Variants in LAMP3 observed in about 807,000 individuals in gnomAD.
LAMP3 encodes lysosome-associated membrane glycoprotein 3.
A neutral mutation model predicts 34.8 loss-of-function variants in LAMP3; 26 were observed. The ratio of observed to expected loss-of-function variants is 0.75; its 90% CI spans 0.55 to 1.04. The LOEUF is 1.04. LAMP3 is among the 50% of genes least tolerant of loss of function. The probability of loss-of-function intolerance (pLI) is 0.00; values close to 1 mark genes in which losing one functional copy is unlikely to be tolerated. For missense variants in LAMP3, 495 were observed against 524.0 expected (o/e 0.94, Z 0.54); for synonymous variants, 180 against 201.9 (o/e 0.89, Z 0.92).
At chr3:183,148,787 T>A (rs1313891027) in intron 3 of LAMP3, among the ~76,000 whole-genome samples, 1 of 152,024 alleles carries the variant, frequency 6.6e-6, no homozygotes, top group Non-Finnish European at 1.5e-5. Flanking sequence ...AAAGTTTGGA[T>A]CCTCAAAAAA....
intron 3 of LAMP3, among the ~76,000 whole-genome samples, chr3:183,146,964 A>T (rs2108606761): frequency 6.6e-6 from 1 of 152,116 alleles, no homozygotes; most frequent in East Asian, 1.9e-4. Flanking sequence ...GGGGACATGT[A>T]AAATATTGAG....
intron 5 of LAMP3, among the ~76,000 whole-genome samples, chr3:183,125,686 A>C (rs1397615650): frequency 6.6e-6 from 1 of 152,256 alleles, no homozygotes; most frequent in Non-Finnish European, 1.5e-5. Flanking sequence ...GCAGAGGGAC[A>C]GAGAAATGTT....
At chr3:183,161,618 A>G (rs984872354) in intron 1 of LAMP3, among the ~76,000 whole-genome samples, 1 of 151,868 alleles carries the variant, frequency 6.6e-6, no homozygotes, top group Non-Finnish European at 1.5e-5. Context: ...CGAACTCCTG[A>G]CCTCAAGTGA....
chr3:183,127,399 T>C (rs1429954556), intron 5 of LAMP3, among the ~76,000 whole-genome samples: 1 of 152,166 alleles, frequency 6.6e-6, no homozygotes, highest in Non-Finnish European at 1.5e-5. Flanking sequence ...CCTCCCAAAG[T>C]TTCAGGTGTG....
chr3:183,152,642 C>A, intron 2 of LAMP3, 139 bp from the exon 3 acceptor site: 1 of 684,314 alleles, frequency 1.5e-6, no homozygotes. Context: ...CCAGACAACA[C>A]CTCTCGTTTT....
At chr3:183,142,675 C>T (rs988390935) in intron 3 of LAMP3, among the ~76,000 whole-genome samples, 1 of 152,132 alleles carries the variant, frequency 6.6e-6, no homozygotes, top group Non-Finnish European at 1.5e-5. Flanking sequence ...GGGTATAGAA[C>T]AAAAATTCAT....
intron 3 of LAMP3, among the ~76,000 whole-genome samples, chr3:183,152,169 G>C (rs1351127879): frequency 6.6e-6 from 1 of 152,190 alleles, no homozygotes; most frequent in African/African-American, 2.4e-5. Context: ...AGGCCCTGAA[G>C]CCCTTTTTGG....
At chr3:183,124,603 C>A (rs549377836) in intron 5 of LAMP3, among the ~76,000 whole-genome samples, 19 of 152,252 alleles carry the variant, frequency 1.2e-4, no homozygotes, top group African/African-American at 3.9e-4. Context: ...GAGGCCGAGG[C>A]GGGCGGATCA....
At chr3:183,131,453 C>A (rs1002069287) in intron 5 of LAMP3, among the ~76,000 whole-genome samples, 1 of 152,200 alleles carries the variant, frequency 6.6e-6, no homozygotes, top group Non-Finnish European at 1.5e-5. Context: ...CTCTCCAAAG[C>A]CAAGCTCTTG....
chr3:183,138,165 A>G (rs1250618624), intron 4 of LAMP3, among the ~76,000 whole-genome samples: 2 of 152,072 alleles, frequency 1.3e-5, no homozygotes, highest in Admixed American at 6.6e-5. Flanking sequence ...GCTGGCTAAA[A>G]TCTGGTCCAT....
At position 183,154,009 on chromosome 3, in the gene LAMP3, T is replaced by C; in HGVS notation, c.432A>G (p.Thr144=). The part of the protein sequence containing the change: ...LPPTITPPAH[T]TGTSSSTVSH... ...TGACGGTTGATGAACTGGTTCCAGT[T>C]GTATGAGCTGGTGGGGTGATGGTGG... is the stretch of plus-strand genomic sequence containing the variant. The change falls in exon 2 of 6, where the codon ACA becomes ACG. Residue 144 remains threonine (T), a synonymous_variant. Transcript: ENST00000265598. 2 of 1,614,026 alleles carry C rather than the reference T, an allele frequency of 1.2e-6. No homozygotes were observed. The highest frequency in any genetic ancestry group is 1.7e-6 in the Non-Finnish European group (2 of 1,179,986).
intron 3 of LAMP3, among the ~76,000 whole-genome samples, chr3:183,149,405 T>TGGTGCGTGGC (rs1240049656): frequency 6.6e-6 from 1 of 151,106 alleles, no homozygotes; most frequent in African/African-American, 2.4e-5. Flanking sequence ...CCAGGCGTGG[T>TGGTGCGTGGC]GGTGCGTGGC....
At chr3:183,144,920 C>G (rs1720396016) in intron 3 of LAMP3, among the ~76,000 whole-genome samples, 1 of 152,070 alleles carries the variant, frequency 6.6e-6, no homozygotes, top group Admixed American at 6.6e-5. Flanking sequence ...ACAAAAAAAG[C>G]TCTGGGGAAA....
intron 1 of LAMP3, chr3:183,162,011 C>A (rs1452799852): frequency 1.0e-6 from 1 of 984,774 alleles, no homozygotes; most frequent in Non-Finnish European, 1.2e-6. Context: ...GGGACGGAGA[C>A]AGTTCTCTCA....
chr3:183,161,252 C>T (rs1720966956), intron 1 of LAMP3, among the ~76,000 whole-genome samples: 1 of 152,176 alleles, frequency 6.6e-6, no homozygotes, highest in Non-Finnish European at 1.5e-5. Context: ...TCAAAGGCCT[C>T]CACCTCTGAG....
At chr3:183,152,111 C>T (rs1421544176) in intron 3 of LAMP3, among the ~76,000 whole-genome samples, 1 of 152,196 alleles carries the variant, frequency 6.6e-6, no homozygotes, top group Non-Finnish European at 1.5e-5. Flanking sequence ...GGCTGGTTTG[C>T]AAAGGGCACG....
chr3:183,158,868 T>C (rs1172847906), intron 1 of LAMP3, among the ~76,000 whole-genome samples: 1 of 142,844 alleles, frequency 7.0e-6, no homozygotes, highest in Non-Finnish European at 1.6e-5. Context: ...CACTTCTCAG[T>C]GTGACAAGTG....
intron 1 of LAMP3, among the ~76,000 whole-genome samples, chr3:183,154,901 T>C (rs1720780798): frequency 6.6e-6 from 1 of 151,440 alleles, no homozygotes; most frequent in South Asian, 2.1e-4. Flanking sequence ...AAAAGTCATC[T>C]AGTCCAAACT....
In LAMP3 at chr3:183,154,264, T is replaced by C; in HGVS notation, c.177A>G (p.Ala59=). The C allele has an allele frequency of 6.2e-7, 1 of 1,614,122 alleles. No individual in the cohort carries two copies. Among genetic ancestry groups the C allele is most frequent in the African/African-American group, 1.3e-5 (1 of 75,016 alleles). ...KKPVQQPAKQ[A]PHQTLAARFM... ...ATCTTGCTGCTAAAGTTTGGTGAGG[T>C]GCTTGCTTAGCTGGTTGCTGGACAG... is the stretch of plus-strand genomic sequence containing the variant. The change falls in exon 2 of 6, where the codon GCA becomes GCG. Residue 59 remains alanine (A), a synonymous_variant. Coordinates refer to ENST00000265598, the MANE Select transcript of LAMP3 (RefSeq NM_014398.4).
Sources: allele counts gnomAD v4.1 joint callset (sites outside exome capture counted in the v4.1 genomes callset), GRCh38; gene constraint gnomAD v4.1.1; transcripts MANE v1.5; gene names NCBI Gene and HGNC (gene_info 2026-07-23, HGNC 2026-07-21).